The following TMPO variants were observed in gnomAD, a reference collection of about 807,000 sequenced individuals.
TMPO encodes LEM domain containing 4.
In TMPO, 22 loss-of-function variants were observed where a neutral mutation model predicts 45.4. That is an observed-to-expected ratio of 0.48 (90% confidence interval 0.35 to 0.69). The LOEUF (loss-of-function observed/expected upper bound fraction) is 0.69. Among genes scored for constraint, TMPO ranks in the 30% least tolerant of loss-of-function variants. TMPO has a pLI of 0.01. For missense variants in TMPO, 512 were observed against 548.8 expected (o/e 0.93, Z 0.67); for synonymous variants, 241 against 204.1 (o/e 1.18, Z -1.54).
chr12:98,521,480 A>G lies in TMPO; in HGVS notation c.279+5334A>G, dbSNP rs565958567. 2.0e-5 allele frequency among the ~76,000 whole-genome samples: 3 copies of G among 152,102 alleles called. No individual in the cohort carries two copies. The East Asian group carries it at 5.8e-4, about 29-fold the overall frequency. The stretch of plus-strand genomic sequence containing the variant: ...GCTTCTACCATAGTCTCTTGGATTC[A>G]CTTGGTATAATGTGACAAAACTTTG... On this transcript the variant is annotated intron_variant, in intron 1 of 8. Coordinates refer to ENST00000556029, the MANE Select transcript of TMPO (RefSeq NM_001032283.3).
intron 3 of TMPO, among the ~76,000 whole-genome samples, chr12:98,536,837 T>C (rs1327058851): frequency 6.6e-6 from 1 of 152,226 alleles, no homozygotes. Flanking sequence ...ATTTTTATTA[T>C]AAGGACTGGG....
intron 1 of TMPO, among the ~76,000 whole-genome samples, chr12:98,517,039 G>A (rs1345387193): frequency 6.6e-6 from 1 of 152,182 alleles, no homozygotes; most frequent in Non-Finnish European, 1.5e-5. Context: ...TCGAACTCCT[G>A]ACCTCAGGTG....
Position 98,515,817 on chromosome 12 carries a change from G to A in TMPO, c.-51G>A. ...CCCGGCCAGGAGCAAGCGCGCCGGC[G>A]TGAGCGGCGGCGGCAAAGGCTGTGG... On this transcript the variant is annotated 5_prime_UTR_variant, in exon 1 of 9. In the 5' UTR this introduces an upstream ATG that the reference lacks. Coordinates refer to ENST00000556029, the MANE Select transcript of TMPO (RefSeq NM_001032283.3). 1 of 1,577,084 alleles carries A rather than the reference G, an allele frequency of 6.3e-7. No homozygotes were observed. Among genetic ancestry groups the A allele is most frequent in the Non-Finnish European group, 8.6e-7 (1 of 1,163,036 alleles).
chr12:98,533,671 T>G (rs769456917), intron 3 of TMPO: 1 of 1,614,156 alleles, frequency 6.2e-7, no homozygotes, highest in Non-Finnish European at 8.5e-7. Context: ...ACTCACTACC[T>G]TAGGTCTAGA....
intron 1 of TMPO, among the ~76,000 whole-genome samples, chr12:98,516,792 A>G (rs1875873533): frequency 1.3e-5 from 2 of 152,134 alleles, no homozygotes; most frequent in Non-Finnish European, 2.9e-5. Context: ...TTAGGCGCCT[A>G]TTATAATTTT....
intron 2 of TMPO, among the ~76,000 whole-genome samples, chr12:98,529,561 A>G (rs558334594): frequency 5.3e-5 from 8 of 151,892 alleles, no homozygotes; most frequent in Non-Finnish European, 8.8e-5. Context: ...AGAAAATTCC[A>G]TTTTATTATT....
intron 3 of TMPO, chr12:98,533,738 T>C (rs1265318328): frequency 1.9e-6 from 3 of 1,614,046 alleles, no homozygotes; most frequent in Middle Eastern, 1.6e-4. Flanking sequence ...TCTTTTCCCT[T>C]CCATGAATCT....
chr12:98,516,121 G>A lies in TMPO; in HGVS notation c.254G>A (p.Gly85Asp). The A allele has an allele frequency of 6.7e-7, 1 of 1,502,838 alleles. No homozygotes were observed. The highest frequency in any genetic ancestry group is 8.8e-7 in the Non-Finnish European group (1 of 1,135,942). The allele number at this position is 1,502,838 out of a possible 1,614,324, so 93.1% of individuals were successfully genotyped here. ...CTCGGCTCTGGGGCCGCCGCCGCGG[G>A]CCGGAGCCGAGCAGCCGTCGGCAGG... ...PVLGSGAAAA[G>D]RSRAAVGRKA... Residue 85 changes from glycine to aspartate, a missense_variant, in exon 1 of 9, where the codon GGC becomes GAC. Around this residue, in one of 3 missense-constraint regions of TMPO, gnomAD observed 299 missense variants for 296.7 expected, o/e 1.01. Coordinates refer to ENST00000556029, the MANE Select transcript of TMPO (RefSeq NM_001032283.3).
intron 3 of TMPO, chr12:98,534,776 A>G (rs1408563169): frequency 9.9e-7 from 1 of 1,010,464 alleles, no homozygotes; most frequent in African/African-American, 1.7e-5. Context: ...CTTTTATCTC[A>G]GTATCTTTTC....
chr12:98,530,999 A>G (rs373033046), intron 2 of TMPO, among the ~76,000 whole-genome samples: 136 of 152,336 alleles, frequency 8.9e-4, no homozygotes, highest in African/African-American at 2.8e-3. Context: ...GTGGAATGCA[A>G]TGGTGCGATA....
intron 7 of TMPO, 152 bp from the exon 8 acceptor site, chr12:98,546,207 A>G (rs1878218793): frequency 9.1e-6 from 6 of 655,816 alleles, no homozygotes; most frequent in South Asian, 8.5e-5. Context: ...AAGCATGTGG[A>G]TACCTAAATA....
At chr12:98,539,382 T>G (rs1218596513) in intron 4 of TMPO, among the ~76,000 whole-genome samples, 1 of 151,696 alleles carries the variant, frequency 6.6e-6, no homozygotes, top group Non-Finnish European at 1.5e-5. Flanking sequence ...GGGAAGAGTT[T>G]AATGACCCTC....
intron 3 of TMPO, chr12:98,532,705 C>T (rs995704942): frequency 1.1e-5 from 17 of 1,483,704 alleles, no homozygotes; most frequent in Non-Finnish European, 1.5e-5. Flanking sequence ...CAGATTAGTT[C>T]AGAATATGAA....
intron 1 of TMPO, among the ~76,000 whole-genome samples, chr12:98,521,694 G>A (rs1450150467): frequency 2.0e-5 from 3 of 152,186 alleles, no homozygotes; most frequent in African/African-American, 7.2e-5. Context: ...TTTGGATCTA[G>A]TGGAGCATAA....
chr12:98,542,190 T>G (rs1202206701), intron 4 of TMPO, among the ~76,000 whole-genome samples: 1 of 152,232 alleles, frequency 6.6e-6, no homozygotes, highest in Admixed American at 6.5e-5. Flanking sequence ...CACCATTACA[T>G]TTCTCTGCAT....
Position 98,515,824 on chromosome 12 carries a change from G to A in TMPO, c.-44G>A. 1 of 1,583,586 alleles carries A rather than the reference G, an allele frequency of 6.3e-7. No individual in the cohort carries two copies. The highest frequency in any genetic ancestry group is 8.6e-7 in the Non-Finnish European group (1 of 1,166,422). On this transcript the variant is annotated 5_prime_UTR_variant, in exon 1 of 9. Transcript: ENST00000556029. ...AGGAGCAAGCGCGCCGGCGTGAGCG[G>A]CGGCGGCAAAGGCTGTGGGGAGGGG...
At chr12:98,529,054 ATT>A (rs531249192) in intron 2 of TMPO, among the ~76,000 whole-genome samples, 7 of 139,898 alleles carry the variant, frequency 5.0e-5, no homozygotes, top group African/African-American at 7.9e-5. Flanking sequence ...CTAGTACCCT[ATT>A]TTTTTTTTTT....
chr12:98,527,354 A>G (rs1876849999), intron 1 of TMPO, among the ~76,000 whole-genome samples: 2 of 150,432 alleles, frequency 1.3e-5, no homozygotes, highest in Admixed American at 6.6e-5. Context: ...AAAAAAACAA[A>G]AAAAAAAAAC....
intron 4 of TMPO, among the ~76,000 whole-genome samples, chr12:98,540,357 G>GT: frequency 6.6e-6 from 1 of 152,220 alleles, no homozygotes; most frequent in South Asian, 2.1e-4. Context: ...GAGAAACTCT[G>GT]TTTTGCTTTG....
Sources: allele counts gnomAD v4.1 joint callset (sites outside exome capture counted in the v4.1 genomes callset), GRCh38; gene constraint gnomAD v4.1.1; regional missense constraint gnomAD v4.1.1; transcripts MANE v1.5; gene names NCBI Gene and HGNC (gene_info 2026-07-23, HGNC 2026-07-21).